The following TROAP variants were observed in gnomAD, a reference collection of about 807,000 sequenced individuals.
TROAP encodes trophinin associated protein, also known as tastin.
Under a neutral mutation model 83.4 loss-of-function variants are expected in TROAP, and 62 were observed. That is an observed-to-expected ratio of 0.74 (90% CI 0.61 to 0.92). The LOEUF is 0.92. TROAP is among the 40% of genes least tolerant of loss of function. TROAP has a pLI of 0.00. For synonymous variants in TROAP, 352 were observed against 386.4 expected, an observed-to-expected ratio of 0.91 and a Z score of 1.04; for missense variants, 876 against 985.1, an observed-to-expected ratio of 0.89 and a Z score of 1.48.
intron 6 of TROAP, 69 bp from the exon 7 acceptor site, chr12:49,326,599 G>C: frequency 6.9e-7 from 1 of 1,453,192 alleles, no homozygotes; most frequent in Non-Finnish European, 9.4e-7. Flanking sequence ...TGTTTGTAAA[G>C]CACTTAGCAC....
chr12:49,323,334 G>C lies in TROAP; in HGVS notation c.-21G>C, dbSNP rs915424755. 1 of 420,138 alleles carries C rather than the reference G, an allele frequency of 2.4e-6. No homozygotes were observed. Among genetic ancestry groups the C allele is most frequent in the Admixed American group, 3.9e-5 (1 of 25,540 alleles). The allele number at this position is 420,138 out of a possible 1,614,324, so 26.0% of individuals were successfully genotyped here. A position where few individuals can be genotyped will look rare whatever the true frequency, so the allele number is the denominator to read the frequency against. On this transcript the variant is annotated 5_prime_UTR_variant, in exon 1 of 15. Coordinates refer to ENST00000257909, the MANE Select transcript of TROAP (RefSeq NM_005480.4). ...AAGCGGAGGAAGCTGGGTAGGCCCT[G>C]AGGGGCCTCGGTAAGGTAAGGCACG...
chr12:49,331,516 AG>A, intron 14 of TROAP, 56 bp from the exon 15 acceptor site: 1 of 1,613,908 alleles, frequency 6.2e-7, no homozygotes, highest in Non-Finnish European at 8.5e-7. Flanking sequence ...GTCAGCAGGA[AG>A]GCTTGGCTAC....
At chr12:49,331,541 C>T (rs374660247) in intron 14 of TROAP, 32 bp from the exon 15 acceptor site, 3 of 1,614,070 alleles carry the variant, frequency 1.9e-6, no homozygotes, top group Non-Finnish European at 2.5e-6. Context: ...GCAAGGTTGG[C>T]TGAGCTGTGA....
rs761248132 is a variant in TROAP at position 49,323,922 on chromosome 12, C to A, written c.222C>A (p.His74Gln). Residue 74 changes from histidine to glutamine, a missense_variant, in exon 3 of 15, where the codon CAC becomes CAA. This residue lies in a region of TROAP where 689 missense variants were observed against 722.6 expected (regional missense o/e 0.95). Transcript: ENST00000257909. Reference protein sequence around the residue: ...DSAGPRPKARHQAETSQRLVG... With the variant: ...DSAGPRPKARQQAETSQRLVG... ...CAGGCCCCAGGCCGAAAGCCAGGCACCAGGCAGAGACATCACAAAGATTGG... is the reference window on the plus strand; with the variant it reads ...CAGGCCCCAGGCCGAAAGCCAGGCAACAGGCAGAGACATCACAAAGATTGG... 1 of 1,614,128 alleles carries A rather than the reference C, an allele frequency of 6.2e-7. No individual in the cohort carries two copies. The highest frequency in any genetic ancestry group is 8.5e-7 in the Non-Finnish European group (1 of 1,180,040).
rs757035542 is a variant in TROAP, at chr12:49,329,476, CT to C, written c.1164+23del. The C allele has an allele frequency of 6.3e-6, 10 of 1,595,144 alleles. No homozygotes were observed. In the Admixed American group the frequency reaches 1.0e-4, roughly 17 times the overall value. ...CTGGGTAAGTATCAGAAGCTTCCCC[CT>C]ACTGAGATCCCTTGCCCTGTGCTGC... On this transcript the variant is annotated intron_variant, in intron 11 of 14. Coordinates refer to ENST00000257909, the MANE Select transcript of TROAP (RefSeq NM_005480.4). The surrounding 1 kb of genome is among the most constrained non-coding windows in gnomAD (Gnocchi z 4.5).
At position 49,323,451 on chromosome 12, in the gene TROAP, G is replaced by T. The variant is rs1220228640; in HGVS notation, c.-6+102G>T. ...AAAGAGTAGGCTCGGGGTGTCTGGA[G>T]ATAGCACCCATAAGAGCGGTCTTGC... On this transcript the variant is annotated intron_variant, in intron 1 of 14. Coordinates refer to ENST00000257909, the MANE Select transcript of TROAP (RefSeq NM_005480.4). The T allele has an allele frequency of 3.0e-6, 3 of 984,994 alleles. No individual in the cohort carries two copies. The Admixed American group carries it at 7.5e-5, about 25-fold the overall frequency. The allele number at this position is 984,994 out of a possible 1,614,324, so 61.0% of individuals were successfully genotyped here.
intron 8 of TROAP, among the ~76,000 whole-genome samples, chr12:49,328,214 CTTTTTTTTT>C (rs981259606): frequency 1.3e-5 from 1 of 77,364 alleles, no homozygotes; most frequent in Non-Finnish European, 2.5e-5. Flanking sequence ...TGACTTAGGT[CTTTTTTTTT>C]TTTTTTTTTT....
In TROAP at chr12:49,329,842, G is replaced by T; in HGVS notation, c.1165-15G>T. ...CCAGCCTGGCTTGCTTGTGTGCCTT[G>T]TTCCTTGGTGACAGGAGCAGGTTGC... is the stretch of plus-strand genomic sequence containing the variant. On this transcript the variant is annotated splice_polypyrimidine_tract_variant and intron_variant, in intron 11 of 14. Coordinates refer to ENST00000257909, the MANE Select transcript of TROAP (RefSeq NM_005480.4). This position sits in a 1 kb window ranked among gnomAD's most constrained non-coding sequence, Gnocchi z 4.5. 1.2e-6 allele frequency: 2 copies of T among 1,613,150 alleles called. No individual in the cohort carries two copies. Among genetic ancestry groups the T allele is most frequent in the Non-Finnish European group, 1.7e-6 (2 of 1,179,458 alleles).
chr12:49,329,617 G>C lies in TROAP; in HGVS notation c.1164+163G>C, dbSNP rs775763160. 1 of 1,008,218 alleles carries C rather than the reference G, an allele frequency of 9.9e-7. No individual in the cohort carries two copies. Among genetic ancestry groups the C allele is most frequent in the Non-Finnish European group, 1.5e-6 (1 of 687,502 alleles). 62.5% of individuals were successfully genotyped at this position (1,008,218 alleles called of 1,614,324 possible). ...GAGGTAGGAGGATTGCTTGAGCTCA[G>C]ATCTTTGAGACCAGCCTGGGCAACA... On this transcript the variant is annotated intron_variant, in intron 11 of 14. Transcript: ENST00000257909. This position sits in a 1 kb window ranked among gnomAD's most constrained non-coding sequence, Gnocchi z 4.5.
rs774898991 is a variant in TROAP at position 49,323,724 on chromosome 12, C to A, written c.116C>A (p.Ala39Asp). Residue 39 changes from alanine (A) to aspartate (D), a missense_variant, in exon 2 of 15, where the codon GCC becomes GAC. Physicochemically the swap from Ala to Asp is moderately radical, Grantham distance 126. Around this residue, in one of 3 missense-constraint regions of TROAP, gnomAD observed 689 missense variants for 722.6 expected, o/e 0.95. Coordinates refer to ENST00000257909, the MANE Select transcript of TROAP (RefSeq NM_005480.4). ...RTPFPTVTSCAVDQENQDPRR... is the reference protein window; with the variant it reads ...RTPFPTVTSCDVDQENQDPRR... ...CCTTTCCCCACTGTTACATCGTGCG[C>A]CGTGGACCAGGAGAACCAAGATCCA... is the stretch of plus-strand genomic sequence containing the variant. 63 of 1,613,996 alleles carry A rather than the reference C, an allele frequency of 3.9e-5. No individual in the cohort carries two copies. The Middle Eastern group carries it at 1.3e-3, about 34-fold the overall frequency.
Position 49,331,395 on chromosome 12 carries a change from G to C in TROAP, c.2280G>C (p.Trp760Cys). ...CTNPVATLLE[W>C]QDALCFIPVG... ...ACCCTGTGGCTACATTACTCGAATGGCAGGATGCCCTGGTGAGACTCCAAC... is the reference window on the plus strand; with the variant it reads ...ACCCTGTGGCTACATTACTCGAATGCCAGGATGCCCTGGTGAGACTCCAAC... The change falls in exon 14 of 15, where the codon TGG (tryptophan) becomes TGC (cysteine). Residue 760 changes from tryptophan (W) to cysteine (C), a missense_variant. Transcript: ENST00000257909. The C allele has an allele frequency of 6.2e-7, 1 of 1,613,208 alleles. No homozygotes were observed. Among genetic ancestry groups the C allele is most frequent in the African/African-American group, 1.3e-5 (1 of 75,042 alleles).
At chr12:49,324,114 G>A (rs372100848) in intron 3 of TROAP, 77 bp downstream of exon 3, 2 of 1,613,808 alleles carry the variant, frequency 1.2e-6, no homozygotes, top group Middle Eastern at 1.6e-4. Flanking sequence ...GGGTTTTGGG[G>A]TTTTGCACTC....
intron 8 of TROAP, among the ~76,000 whole-genome samples, chr12:49,328,076 G>A (rs1246831896): frequency 2.0e-5 from 3 of 152,056 alleles, no homozygotes; most frequent in Admixed American, 6.6e-5. Flanking sequence ...AGAACAGTAG[G>A]AGATAGGGTT....
Position 49,330,408 on chromosome 12 carries a change from G to GC in TROAP, c.1568dup (p.Glu524ArgfsTer5). 1.9e-6 allele frequency: 3 copies of GC among 1,614,144 alleles called. No homozygotes were observed. The highest frequency in any genetic ancestry group is 2.5e-6 in the Non-Finnish European group (3 of 1,179,992). On this transcript the variant is annotated frameshift_variant, in exon 13 of 15. Transcript: ENST00000257909. LOFTEE classifies it high-confidence loss of function. Reference sequence around the variant, plus strand: ...AGCCCTGCCCTCCGGCAGAGCCTGGGCCCCCAGAGGCCTTCTGTAGGAGTG... The same window carrying GC: ...AGCCCTGCCCTCCGGCAGAGCCTGGGCCCCCCAGAGGCCTTCTGTAGGAGTG...
At chr12:49,323,459 C>A in intron 1 of TROAP, 110 bp downstream of exon 1, 2 of 1,066,898 alleles carry the variant, frequency 1.9e-6, no homozygotes, top group East Asian at 2.4e-5. Flanking sequence ...GAGATAGCAC[C>A]CATAAGAGCG....
rs750245684 is a variant in TROAP, at chr12:49,327,311, G to A, written c.872G>A (p.Arg291Gln). ...CAGCGAGTACCATTAAGAGAAAACC[G>A]AGAAATGTCACATACCAGGGTGAGA... ...LAQRVPLREN[R>Q]EMSHTRDSHD... Residue 291 changes from arginine to glutamine, a missense_variant, in exon 8 of 15, where the codon CGA becomes CAA. By Grantham distance (43) the Arg-to-Gln change is conservative. This residue lies in a region of TROAP where 689 missense variants were observed against 722.6 expected (regional missense o/e 0.95). Transcript: ENST00000257909. The A allele has an allele frequency of 2.1e-5, 34 of 1,613,924 alleles. No individual in the cohort carries two copies. Among genetic ancestry groups the A allele is most frequent in the Admixed American group, 3.3e-5 (2 of 59,996 alleles).
chr12:49,327,161 T>C (rs760429751), intron 7 of TROAP, 48 bp from the exon 8 acceptor site: 3 of 1,608,706 alleles, frequency 1.9e-6, no homozygotes, highest in Non-Finnish European at 2.6e-6. Flanking sequence ...TGTGCCAAAC[T>C]TTGGTGGGTG....
rs763291335 is a variant in TROAP at position 49,331,606 on chromosome 12, G to C, written c.2326G>C (p.Gly776Arg). Reference protein sequence around the residue: ...FIPVGSAAPQGSP With the variant: ...FIPVGSAAPQRSP ...TCCAGTTGGTTCTGCTGCCCCCCAG[G>C]GCTCTCCATGATGAGACAACCACTC... Residue 776 changes from glycine (G) to arginine (R), a missense_variant, in exon 15 of 15, where the codon GGC becomes CGC. Gly to Arg is a moderately radical substitution (Grantham distance 125, BLOSUM62 -2). Transcript: ENST00000257909. 1.2e-6 allele frequency: 2 copies of C among 1,613,914 alleles called. No individual in the cohort carries two copies. Among genetic ancestry groups the C allele is most frequent in the African/African-American group, 2.7e-5 (2 of 74,874 alleles).
chr12:49,323,499 C>T, intron 1 of TROAP, 105 bp from the exon 2 acceptor site: 4 of 1,467,100 alleles, frequency 2.7e-6, no homozygotes, highest in South Asian at 1.3e-5. Flanking sequence ...CTTGTGGGCG[C>T]GTGGATTAGG....
Sources: allele counts gnomAD v4.1 joint callset (sites outside exome capture counted in the v4.1 genomes callset), GRCh38; gene constraint gnomAD v4.1.1; regional missense constraint gnomAD v4.1.1; non-coding constraint Gnocchi (gnomAD v3.1); transcripts MANE v1.5; gene names NCBI Gene and HGNC (gene_info 2026-07-23, HGNC 2026-07-21).